EXOC6B: variants seen among roughly 807,000 people sequenced by gnomAD.
The protein encoded by EXOC6B is SEC15 homolog B.
A neutral mutation model predicts 113.5 loss-of-function variants in EXOC6B; 54 were observed. The ratio of observed to expected loss-of-function variants is 0.48; its 90% CI spans 0.38 to 0.60. EXOC6B has a LOEUF of 0.60. Among genes scored for constraint, EXOC6B ranks in the 20% least tolerant of loss-of-function variants. The pLI is 0.00. For synonymous variants in EXOC6B, 357 were observed against 339.0 expected (o/e 1.05, Z -0.58); for missense variants, 797 against 977.5 (o/e 0.82, Z 2.46).
At chr2:72,249,856 T>C (rs1374140247) in intron 20 of EXOC6B, among the ~76,000 whole-genome samples, 3 of 152,208 alleles carry the variant, frequency 2.0e-5, no homozygotes, top group Non-Finnish European at 4.4e-5. Flanking sequence ...GAAATTGCTG[T>C]TTTTATTGAA....
At chr2:72,679,855 C>T (rs1339802660) in intron 6 of EXOC6B, among the ~76,000 whole-genome samples, 2 of 152,112 alleles carry the variant, frequency 1.3e-5, no homozygotes, top group Middle Eastern at 3.2e-3. Context: ...GAAGGCTGCA[C>T]GGATTAGAGG....
chr2:72,601,120 GTGTA>G lies in EXOC6B; in HGVS notation c.670-25456_670-25453del, dbSNP rs1171185770. On this transcript the variant is annotated intron_variant, in intron 6 of 21. Coordinates refer to ENST00000272427, the MANE Select transcript of EXOC6B (RefSeq NM_015189.3). Reference sequence around the variant, plus strand: ...TGGCTACATATATATATATGTGTGTGTGTATGTGTGTGTGTGTGTGTGTGTGTGT... The same window carrying G: ...TGGCTACATATATATATATGTGTGTGTGTGTGTGTGTGTGTGTGTGTGTGT... 2.0e-3 allele frequency among the ~76,000 whole-genome samples: 203 copies of G among 102,542 alleles called. 1 individual carries two copies. Among genetic ancestry groups the G allele is most frequent in the Admixed American group, 9.7e-3 (76 of 7,824 alleles). The allele number at this position is 102,542 out of a possible 152,430, so 67.3% of individuals were successfully genotyped here. A position where few individuals can be genotyped will look rare whatever the true frequency, so the allele number is the denominator to read the frequency against.
chr2:72,358,374 G>A (rs1690096366), intron 19 of EXOC6B, among the ~76,000 whole-genome samples: 1 of 152,146 alleles, frequency 6.6e-6, no homozygotes, highest in East Asian at 1.9e-4. Flanking sequence ...CCCAAGCAAG[G>A]TTTAATGAAT....
chr2:72,239,769 G>A (rs1359126381), intron 20 of EXOC6B, among the ~76,000 whole-genome samples: 1 of 152,094 alleles, frequency 6.6e-6, no homozygotes, highest in Non-Finnish European at 1.5e-5. Flanking sequence ...ACAATATTTA[G>A]TCTACCAATC....
intron 6 of EXOC6B, among the ~76,000 whole-genome samples, chr2:72,590,193 C>T (rs1413272629): frequency 1.3e-5 from 2 of 151,900 alleles, no homozygotes; most frequent in Admixed American, 1.3e-4. Context: ...TATAAGACAA[C>T]TTATCATAGA....
At chr2:72,696,026 T>C (rs1573638213) in intron 6 of EXOC6B, among the ~76,000 whole-genome samples, 2 of 152,238 alleles carry the variant, frequency 1.3e-5, no homozygotes, top group East Asian at 3.9e-4. Flanking sequence ...AATTTTCATC[T>C]TAAAAAAAAG....
At chr2:72,436,007 T>C (rs185718284) in intron 18 of EXOC6B, among the ~76,000 whole-genome samples, 5 of 152,284 alleles carry the variant, frequency 3.3e-5, no homozygotes, top group African/African-American at 4.8e-5. Context: ...GGTCTTTACA[T>C]TTTGATATGT....
At chr2:72,443,334 AAAAG>A (rs1316721804) in intron 18 of EXOC6B, among the ~76,000 whole-genome samples, 1 of 151,372 alleles carries the variant, frequency 6.6e-6, no homozygotes, top group Non-Finnish European at 1.5e-5. Flanking sequence ...AAAAAAAAAA[AAAAG>A]AAAGAAAGAA....
chr2:72,262,016 T>C lies in EXOC6B; in HGVS notation c.2196+72931A>G, dbSNP rs544395274. On this transcript the variant is annotated intron_variant, in intron 20 of 21. Coordinates refer to ENST00000272427, the MANE Select transcript of EXOC6B (RefSeq NM_015189.3). ...TTACACAGGCAGGTAGTGGCAGAGA[T>C]GGAAATAGGACATAGATCTCCTGAT... 1.2e-4 allele frequency among the ~76,000 whole-genome samples: 18 copies of C among 152,264 alleles called. 1 individual carries two copies. The highest frequency in any genetic ancestry group is 4.1e-4 in the African/African-American group (17 of 41,558).
intron 1 of EXOC6B, among the ~76,000 whole-genome samples, chr2:72,788,031 T>C (rs1214250884): frequency 1.3e-5 from 2 of 152,236 alleles, no homozygotes; most frequent in Non-Finnish European, 2.9e-5. Context: ...AGGGATGAGA[T>C]AATGCCTACC....
chr2:72,289,553 G>T (rs1685658260), intron 20 of EXOC6B, among the ~76,000 whole-genome samples: 1 of 152,078 alleles, frequency 6.6e-6, no homozygotes, highest in South Asian at 2.1e-4. Context: ...GTGTATGTGT[G>T]TGTGTATTTT....
At chr2:72,283,239 T>G (rs6753073) in intron 20 of EXOC6B, among the ~76,000 whole-genome samples, 1 of 151,968 alleles carries the variant, frequency 6.6e-6, no homozygotes, top group African/African-American at 2.4e-5. Context: ...GAAATCAATA[T>G]AAAAAGACAG....
intron 11 of EXOC6B, among the ~76,000 whole-genome samples, chr2:72,510,023 G>C (rs898173962): frequency 6.6e-6 from 1 of 151,942 alleles, no homozygotes; most frequent in Non-Finnish European, 1.5e-5. Flanking sequence ...TAGTAGAGAC[G>C]GGGTTTCACC....
intron 11 of EXOC6B, 71 bp from the exon 12 acceptor site, chr2:72,500,043 T>A: frequency 9.3e-7 from 1 of 1,074,344 alleles, no homozygotes; most frequent in Non-Finnish European, 1.4e-6. Context: ...TTTATTTATT[T>A]AATTGTTTAG....
At position 72,358,876 on chromosome 2, in the gene EXOC6B, T is replaced by C. The variant is rs569078135; in HGVS notation, c.2122+20853A>G. The stretch of plus-strand genomic sequence containing the variant: ...TATTCACATCTCATGATATCTATCC[T>C]GAGCTACTTACTACCTCAACTCCCT... On this transcript the variant is annotated intron_variant, in intron 19 of 21. Coordinates refer to ENST00000272427, the MANE Select transcript of EXOC6B (RefSeq NM_015189.3). Among the ~76,000 whole-genome samples, 85 of 152,306 alleles carry C rather than the reference T, an allele frequency of 5.6e-4. 1 individual carries two copies. Among genetic ancestry groups the C allele is most frequent in the African/African-American group, 1.6e-3 (68 of 41,568 alleles).
At chr2:72,340,925 C>A (rs867025806) in intron 19 of EXOC6B, among the ~76,000 whole-genome samples, 3 of 152,048 alleles carry the variant, frequency 2.0e-5, no homozygotes, top group Non-Finnish European at 4.4e-5. Context: ...GAATCCAATT[C>A]AGATCCTACT....
chr2:72,595,291 ATATC>A (rs934131550), intron 6 of EXOC6B, among the ~76,000 whole-genome samples: 9 of 146,508 alleles, frequency 6.1e-5, no homozygotes, highest in African/African-American at 2.0e-4. Context: ...ATAGATATAT[ATATC>A]TATATATATA....
chr2:72,818,180 T>C (rs971957510), intron 1 of EXOC6B, among the ~76,000 whole-genome samples: 6 of 152,084 alleles, frequency 3.9e-5, no homozygotes, highest in Admixed American at 2.0e-4. Context: ...AGTCTCGCAC[T>C]GTCTCCCAGG....
chr2:72,348,710 C>A (rs984699201), intron 19 of EXOC6B, among the ~76,000 whole-genome samples: 2 of 152,192 alleles, frequency 1.3e-5, no homozygotes, highest in East Asian at 3.9e-4. Context: ...GCTACAACTG[C>A]AAATACTGCA....
Sources: gnomAD v4.1 joint callset for allele counts (sites outside exome capture counted in the v4.1 genomes callset) on GRCh38, gnomAD v4.1.1 for gene constraint, MANE v1.5 for transcripts, NCBI Gene and HGNC (gene_info 2026-07-23, HGNC 2026-07-21) for gene names.